STX8: variants seen among roughly 807,000 people sequenced by gnomAD.
STX8 encodes the protein syntaxin 8.
Under a neutral mutation model 37.5 loss-of-function variants are expected in STX8, and 23 were observed. The observed-to-expected ratio is 0.61, with a 90% confidence interval of 0.44 to 0.87. The LOEUF is 0.87. STX8 is among the 40% of genes least tolerant of loss of function. The pLI, the probability that STX8 is intolerant of heterozygous loss-of-function variation, is 0.00. For synonymous variants in STX8, 115 were observed against 99.1 expected (o/e 1.16, Z -0.95); for missense variants, 313 against 284.7 (o/e 1.10, Z -0.71).
intron 7 of STX8, among the ~76,000 whole-genome samples, chr17:9,297,884 G>C (rs12103833): frequency 0.21 from 31,408 of 152,134 alleles, 3,594 homozygotes; most frequent in Non-Finnish European, 0.25. Flanking sequence ...TGCAGCAGGA[G>C]CATCTTCTGA....
At chr17:9,571,887 C>T (rs2049010690) in intron 1 of STX8, among the ~76,000 whole-genome samples, 1 of 151,404 alleles carries the variant, frequency 6.6e-6, no homozygotes, top group South Asian at 2.1e-4. Context: ...TGCACTCCAG[C>T]CTGGGCGACG....
At chr17:9,306,595 C>CAAAAAAAAAAAAAAAAA (rs71135963) in intron 7 of STX8, among the ~76,000 whole-genome samples, 1 of 69,896 alleles carries the variant, frequency 1.4e-5, no homozygotes. Context: ...ACTAAAAATA[C>CAAAAAAAAAAAAAAAAA]AAAAAAAAAA....
chr17:9,286,039 T>TA lies in STX8; in HGVS notation c.644-35395dup, dbSNP rs57984448. On this transcript the variant is annotated intron_variant, in intron 7 of 7. Coordinates refer to ENST00000306357, the MANE Select transcript of STX8 (RefSeq NM_004853.3). The stretch of plus-strand genomic sequence containing the variant: ...GGGAAATAGCAGACTTGGTAAGGCT[T>TA]AAAAAAAAAAATAAGGCAAGATCAT... 1.8e-3 allele frequency among the ~76,000 whole-genome samples: 268 copies of TA among 147,344 alleles called. 1 individual carries two copies. Among genetic ancestry groups the TA allele is most frequent in the African/African-American group, 5.2e-3 (210 of 40,390 alleles).
intron 3 of STX8, among the ~76,000 whole-genome samples, chr17:9,549,608 A>G (rs1298855287): frequency 3.9e-5 from 6 of 152,228 alleles, no homozygotes; most frequent in African/African-American, 1.4e-4. Context: ...TACTGGGAGT[A>G]CGAATTCAGA....
intron 7 of STX8, among the ~76,000 whole-genome samples, chr17:9,279,997 G>C (rs913696252): frequency 2.0e-5 from 3 of 152,216 alleles, no homozygotes; most frequent in Admixed American, 6.5e-5. Context: ...CACTTCGGTG[G>C]ATCACTTGAG....
chr17:9,251,291 C>T (rs1277293760), intron 7 of STX8, among the ~76,000 whole-genome samples: 1 of 152,246 alleles, frequency 6.6e-6, no homozygotes, highest in Non-Finnish European at 1.5e-5. Flanking sequence ...TGTGTCTGCA[C>T]TGACCATTGC....
chr17:9,557,689 C>T (rs1371176384), intron 2 of STX8, among the ~76,000 whole-genome samples, 161 bp from the exon 3 acceptor site: 1 of 152,182 alleles, frequency 6.6e-6, no homozygotes, highest in Non-Finnish European at 1.5e-5. Context: ...TGGAAGGAGG[C>T]TCAGTGGTGC....
At chr17:9,403,341 T>A (rs919544780) in intron 6 of STX8, among the ~76,000 whole-genome samples, 4 of 152,182 alleles carry the variant, frequency 2.6e-5, no homozygotes, top group African/African-American at 7.2e-5. Context: ...TAAAATCTAA[T>A]TGCAGTACAC....
At chr17:9,291,393 A>G (rs1908307292) in intron 7 of STX8, among the ~76,000 whole-genome samples, 1 of 150,024 alleles carries the variant, frequency 6.7e-6, no homozygotes, top group African/African-American at 2.5e-5. Context: ...GTGAGCCATG[A>G]TCACGCCACT....
chr17:9,567,368 TAAA>T (rs748845486), intron 2 of STX8, among the ~76,000 whole-genome samples: 4 of 152,216 alleles, frequency 2.6e-5, no homozygotes, highest in Non-Finnish European at 4.4e-5. Flanking sequence ...AGTCTACACT[TAAA>T]AAGACTCAAA....
Position 9,522,145 on chromosome 17 carries a change from T to C in STX8, c.324-16983A>G, listed in dbSNP as rs368482831. On this transcript the variant is annotated intron_variant, in intron 4 of 7. Transcript: ENST00000306357. ...AACCAAAAGGAACACTTCTGTACCT[T>C]AAATGTTTGCAAATCATGGTACCTT... Among the ~76,000 whole-genome samples the C allele has an allele frequency of 3.3e-5, 5 of 152,136 alleles. No homozygotes were observed. In the East Asian group the frequency reaches 5.8e-4, roughly 18 times the overall value.
intron 7 of STX8, among the ~76,000 whole-genome samples, chr17:9,320,946 CAA>C (rs536883769): frequency 5.7e-5 from 5 of 87,208 alleles, no homozygotes; most frequent in Non-Finnish European, 9.9e-5. Flanking sequence ...ACGGGGCCTC[CAA>C]AAAAAAAAAA....
At position 9,518,761 on chromosome 17, in the gene STX8, G is replaced by A. The variant is rs368529687; in HGVS notation, c.324-13599C>T. 1.5e-4 allele frequency among the ~76,000 whole-genome samples: 23 copies of A among 152,116 alleles called. No homozygotes were observed. In the South Asian group the frequency reaches 3.3e-3, roughly 22 times the overall value. On this transcript the variant is annotated intron_variant, in intron 4 of 7. Coordinates refer to ENST00000306357, the MANE Select transcript of STX8 (RefSeq NM_004853.3). The stretch of plus-strand genomic sequence containing the variant: ...TGGGCGCCTGCAATCCCAGCTACTC[G>A]GGAGGCTGAGGCAGGAGAATCGCCT...
At chr17:9,251,821 C>A (rs1906589613) in intron 7 of STX8, among the ~76,000 whole-genome samples, 1 of 152,226 alleles carries the variant, frequency 6.6e-6, no homozygotes, top group African/African-American at 2.4e-5. Context: ...TTAAGCTCAA[C>A]CCATGTGGGC....
At chr17:9,572,816 T>C (rs1907734777) in intron 1 of STX8, among the ~76,000 whole-genome samples, 1 of 152,148 alleles carries the variant, frequency 6.6e-6, no homozygotes, top group African/African-American at 2.4e-5. Flanking sequence ...TCACTCTCAA[T>C]AGTCCAATGA....
chr17:9,317,921 T>C (rs1909444328), intron 7 of STX8, among the ~76,000 whole-genome samples: 2 of 152,130 alleles, frequency 1.3e-5, no homozygotes, highest in African/African-American at 4.8e-5. Flanking sequence ...GGCAGGGAGT[T>C]TCCCCAGTGA....
At position 9,539,663 on chromosome 17, in the gene STX8, A is replaced by ACC. The variant is rs112638421; in HGVS notation, c.323+5507_323+5508dup. Among the ~76,000 whole-genome samples, 69 of 149,842 alleles carry ACC rather than the reference A, an allele frequency of 4.6e-4. 1 individual carries two copies. Among genetic ancestry groups the ACC allele is most frequent in the Middle Eastern group, 3.4e-3 (1 of 292 alleles). ...ACAAAGTGACAAAGCAACCCAACTG[A>ACC]CCCCCCCCACCCCAAAACCAAGAAC... On this transcript the variant is annotated intron_variant, in intron 4 of 7. Transcript: ENST00000306357.
chr17:9,253,561 G>A (rs1168526956), intron 7 of STX8, among the ~76,000 whole-genome samples: 1 of 152,108 alleles, frequency 6.6e-6, no homozygotes, highest in Non-Finnish European at 1.5e-5. Context: ...CTGGGATGGG[G>A]CGAAGGGGCA....
intron 4 of STX8, among the ~76,000 whole-genome samples, chr17:9,514,460 C>T (rs1905111342): frequency 6.6e-6 from 1 of 152,034 alleles, no homozygotes; most frequent in African/African-American, 2.4e-5. Flanking sequence ...CAAAAATTAG[C>T]TAGGCATGGT....
Sources: allele counts gnomAD v4.1 joint callset (sites outside exome capture counted in the v4.1 genomes callset), GRCh38; gene constraint gnomAD v4.1.1; transcripts MANE v1.5; gene names NCBI Gene and HGNC (gene_info 2026-07-23, HGNC 2026-07-21).